Variants in CNTN6 observed in about 807,000 individuals in gnomAD.
CNTN6 encodes contactin 6, also known as contactin-6.
Under a neutral mutation model 122.8 loss-of-function variants are expected in CNTN6, and 137 were observed. The observed-to-expected ratio is 1.12, with a 90% CI of 0.97 to 1.29. CNTN6 has a LOEUF of 1.29. Ranked by LOEUF, CNTN6 falls within the 50% of genes most tolerant of loss-of-function variation. CNTN6 has a pLI of 0.00. For synonymous variants in CNTN6, 570 were observed against 426.0 expected (o/e 1.34, Z -4.16); for missense variants, 1,634 against 1,223.4 (o/e 1.34, Z -5.01).
intron 3 of CNTN6, among the ~76,000 whole-genome samples, chr3:1,222,075 G>T (rs1372915236): frequency 6.6e-6 from 1 of 152,052 alleles, no homozygotes; most frequent in African/African-American, 2.4e-5. Context: ...GAATTTTTTT[G>T]AGCTAACTTC....
In CNTN6 at chr3:1,373,991, T is replaced by C. The variant is rs369876365; in HGVS notation, c.2013T>C (p.Tyr671=). Residue 671 remains tyrosine (Y), a synonymous_variant, in exon 16 of 23, where the codon TAT becomes TAC. Coordinates refer to ENST00000446702, the MANE Select transcript of CNTN6 (RefSeq NM_001289080.2). Reference sequence around the variant, plus strand: ...TTGGTTTGAGTCCTTGGGTGGAATATGAATTTCGTGTTGTTGCCGGCAACA... The same window carrying C: ...TTGGTTTGAGTCCTTGGGTGGAATACGAATTTCGTGTTGTTGCCGGCAACA... The part of the protein sequence containing the change: ...TVVGLSPWVE[Y]EFRVVAGNSI... The C allele has an allele frequency of 1.1e-4, 182 of 1,613,182 alleles. No homozygotes were observed. Among genetic ancestry groups the C allele is most frequent in the Non-Finnish European group, 1.5e-4 (176 of 1,179,434 alleles).
At chr3:1,348,241 A>G (rs7645887) in intron 11 of CNTN6, among the ~76,000 whole-genome samples, 120,065 of 150,330 alleles carry the variant, frequency 0.8, 48,765 homozygotes, top group African/African-American at 0.87. Flanking sequence ...TTCAGATTCG[A>G]TCATAAGTAG....
chr3:1,110,993 T>G (rs1559333390), intron 1 of CNTN6, among the ~76,000 whole-genome samples: 1 of 152,194 alleles, frequency 6.6e-6, no homozygotes, highest in Non-Finnish European at 1.5e-5. Context: ...AGACATACAC[T>G]TTGATTTCAC....
intron 4 of CNTN6, among the ~76,000 whole-genome samples, chr3:1,271,744 G>A (rs1382779091): frequency 6.6e-6 from 1 of 152,130 alleles, no homozygotes; most frequent in Non-Finnish European, 1.5e-5. Flanking sequence ...CCCTCCGCTA[G>A]CAATTTGTAC....
intron 7 of CNTN6, among the ~76,000 whole-genome samples, chr3:1,302,232 A>G (rs561348065): frequency 3.3e-5 from 5 of 150,994 alleles, no homozygotes; most frequent in African/African-American, 5.0e-5. Context: ...GCTGTGCAGC[A>G]TTTGGTTTTA....
chr3:1,127,903 A>G (rs538235295), intron 1 of CNTN6, among the ~76,000 whole-genome samples: 39 of 152,036 alleles, frequency 2.6e-4, no homozygotes, highest in Non-Finnish European at 5.2e-4. Context: ...TTCAAGGGGA[A>G]CAGAAGCCTA....
Position 1,350,265 on chromosome 3 carries a change from T to C in CNTN6, c.1365-2059T>C, listed in dbSNP as rs73093301. Among the ~76,000 whole-genome samples the C allele has an allele frequency of 5.4e-3, 823 of 151,890 alleles. 5 individuals are homozygous for C. Among genetic ancestry groups the C allele is most frequent in the African/African-American group, 0.019 (793 of 41,522 alleles). On this transcript the variant is annotated intron_variant, in intron 11 of 22. Coordinates refer to ENST00000446702, the MANE Select transcript of CNTN6 (RefSeq NM_001289080.2). ...GACCACATTTTGAGGAGTAAACACATGGAATATCTTTAGGGCATCTAGTGA... is the reference window on the plus strand; with the variant it reads ...GACCACATTTTGAGGAGTAAACACACGGAATATCTTTAGGGCATCTAGTGA...
chr3:1,213,063 G>A (rs1261743353), intron 2 of CNTN6, among the ~76,000 whole-genome samples: 1 of 152,130 alleles, frequency 6.6e-6, no homozygotes, highest in Non-Finnish European at 1.5e-5. Flanking sequence ...AATGGGAACA[G>A]AAATGTGCAT....
chr3:1,188,603 C>T (rs1298545006), intron 2 of CNTN6, among the ~76,000 whole-genome samples: 3 of 152,062 alleles, frequency 2.0e-5, no homozygotes, highest in Non-Finnish European at 2.9e-5. Context: ...TTTAAAAATG[C>T]CTGCTCTTTC....
chr3:1,177,953 T>C (rs923489205), intron 2 of CNTN6, among the ~76,000 whole-genome samples: 1 of 149,736 alleles, frequency 6.7e-6, no homozygotes, highest in African/African-American at 2.5e-5. Flanking sequence ...TAGGCTGGAG[T>C]ACAGTGGTGC....
chr3:1,249,667 A>G (rs990997481), intron 4 of CNTN6, among the ~76,000 whole-genome samples: 14 of 152,344 alleles, frequency 9.2e-5, no homozygotes, highest in African/African-American at 2.9e-4. Context: ...TTTCACATAC[A>G]TATTAATGAG....
intron 4 of CNTN6, among the ~76,000 whole-genome samples, chr3:1,248,151 G>A (rs2094607150): frequency 6.6e-6 from 1 of 152,184 alleles, no homozygotes; most frequent in Admixed American, 6.5e-5. Context: ...ATTCCTTCAT[G>A]TGCTTTTATG....
intron 1 of CNTN6, among the ~76,000 whole-genome samples, chr3:1,106,934 C>G (rs1436761404): frequency 6.6e-6 from 1 of 152,092 alleles, no homozygotes; most frequent in Non-Finnish European, 1.5e-5. Flanking sequence ...AGTTGGGGCT[C>G]TTCAGAGAAA....
chr3:1,276,891 G>C (rs190924630), intron 4 of CNTN6, among the ~76,000 whole-genome samples: 2 of 152,242 alleles, frequency 1.3e-5, no homozygotes, highest in African/African-American at 4.8e-5. Context: ...CCGGGTGAAT[G>C]GTGGCTCTTT....
intron 4 of CNTN6, among the ~76,000 whole-genome samples, chr3:1,257,006 A>T (rs1468267709): frequency 1.3e-5 from 2 of 152,134 alleles, no homozygotes; most frequent in African/African-American, 4.8e-5. Flanking sequence ...CAACAGCACC[A>T]CCCGAATATG....
At chr3:1,376,473 C>T (rs1023312046) in intron 16 of CNTN6, among the ~76,000 whole-genome samples, 1 of 151,928 alleles carries the variant, frequency 6.6e-6, no homozygotes, top group South Asian at 2.1e-4. Context: ...GAAGAAAATC[C>T]CTCTTCTTCT....
intron 1 of CNTN6, among the ~76,000 whole-genome samples, chr3:1,104,910 T>G (rs1338993260): frequency 6.6e-6 from 1 of 152,160 alleles, no homozygotes; most frequent in Non-Finnish European, 1.5e-5. Context: ...GTGTTCCCTT[T>G]TTACTCAAAC....
intron 12 of CNTN6, among the ~76,000 whole-genome samples, chr3:1,362,553 CAG>C (rs547791417): frequency 9.9e-4 from 151 of 151,840 alleles, no homozygotes; most frequent in Non-Finnish European, 1.6e-3. Context: ...ATAGCTATAA[CAG>C]AAAGAGGATT....
chr3:1,256,116 C>T (rs549147261), intron 4 of CNTN6, among the ~76,000 whole-genome samples: 1 of 152,222 alleles, frequency 6.6e-6, no homozygotes, highest in East Asian at 1.9e-4. Flanking sequence ...AATGATCCTT[C>T]TGTCGTGGTC....
Sources: gnomAD v4.1 joint callset for allele counts (sites outside exome capture counted in the v4.1 genomes callset) on GRCh38, gnomAD v4.1.1 for gene constraint, MANE v1.5 for transcripts, NCBI Gene and HGNC (gene_info 2026-07-23, HGNC 2026-07-21) for gene names.